COPS3: variants seen among roughly 807,000 people sequenced by gnomAD.
COPS3 encodes COP9 signalosome subunit 3, also known as COP9 signalosome complex subunit 3.
COPS3 carries 10 observed loss-of-function variants against 58.2 expected under a neutral mutation model. That is an observed-to-expected ratio of 0.17 (90% CI 0.11 to 0.29). COPS3 has a LOEUF of 0.29. COPS3 is among the 10% of genes least tolerant of loss of function. The pLI is 1.00. For synonymous variants in COPS3, 187 were observed against 181.7 expected (o/e 1.03, Z -0.24); for missense variants, 333 against 510.1 (o/e 0.65, Z 3.34).
At chr17:17,277,843 G>C (rs1425611724) in intron 1 of COPS3, among the ~76,000 whole-genome samples, 1 of 151,980 alleles carries the variant, frequency 6.6e-6, no homozygotes, top group Non-Finnish European at 1.5e-5. Flanking sequence ...ATCTCTCGAG[G>C]TCAGGAGTTC....
chr17:17,267,226 T>C (rs897297956), intron 5 of COPS3, among the ~76,000 whole-genome samples: 4 of 150,392 alleles, frequency 2.7e-5, no homozygotes, highest in Admixed American at 6.7e-5. Context: ...TAGTCCCAGC[T>C]ACTCGGGAGG....
At chr17:17,262,202 CT>C in intron 6 of COPS3, 96 bp from the exon 7 acceptor site, 1 of 1,117,362 alleles carries the variant, frequency 8.9e-7, no homozygotes, top group Non-Finnish European at 1.3e-6. Context: ...GTCAATAATA[CT>C]TTTTAAATGT....
chr17:17,268,471 AAGAAG>A (rs1208545246), intron 4 of COPS3, among the ~76,000 whole-genome samples: 1 of 152,192 alleles, frequency 6.6e-6, no homozygotes, highest in Non-Finnish European at 1.5e-5. Context: ...GATTATAAAT[AAGAAG>A]ACCAAGTGTC....
chr17:17,260,265 T>A, intron 8 of COPS3, 36 bp downstream of exon 8: 1 of 1,599,770 alleles, frequency 6.3e-7, no homozygotes, highest in Non-Finnish European at 8.6e-7. Context: ...CCCCAGGGGG[T>A]CAGGAGCTGC....
chr17:17,262,479 C>A (rs572736900), intron 6 of COPS3, among the ~76,000 whole-genome samples: 36 of 152,164 alleles, frequency 2.4e-4, no homozygotes, highest in African/African-American at 7.7e-4. Flanking sequence ...CCTGTAATCC[C>A]AGCACTTTGA....
At chr17:17,278,869 CTTTT>C (rs965825075) in intron 1 of COPS3, among the ~76,000 whole-genome samples, 21 of 149,474 alleles carry the variant, frequency 1.4e-4, no homozygotes, top group African/African-American at 3.4e-4. Flanking sequence ...CAATAAAATT[CTTTT>C]TTTTCTTTTT....
At position 17,277,639 on chromosome 17, in the gene COPS3, C is replaced by CT. The variant is rs2048488774; in HGVS notation, c.56-1476dup. Among the ~76,000 whole-genome samples the CT allele has an allele frequency of 2.0e-5, 3 of 152,270 alleles. No homozygotes were observed. In the South Asian group the frequency reaches 6.2e-4, roughly 32 times the overall value. On this transcript the variant is annotated intron_variant, in intron 1 of 11. Coordinates refer to ENST00000268717, the MANE Select transcript of COPS3 (RefSeq NM_003653.4). ...CTCACTATGTTGCCCAGTCTGGTCT[C>CT]TAACTCCTGGGCTCAAGCAATCCTC...
intron 10 of COPS3, among the ~76,000 whole-genome samples, chr17:17,248,704 TGGA>T (rs2047775924): frequency 6.6e-6 from 1 of 152,154 alleles, no homozygotes; most frequent in South Asian, 2.1e-4. Context: ...TCACCCAAGG[TGGA>T]GGACAGTGGC....
chr17:17,250,112 C>T (rs957187189), intron 9 of COPS3, among the ~76,000 whole-genome samples: 4 of 152,100 alleles, frequency 2.6e-5, no homozygotes, highest in East Asian at 1.9e-4. Flanking sequence ...GTTCTTGTCT[C>T]GTATGGATTT....
At chr17:17,272,015 C>T (rs1021191740) in intron 2 of COPS3, among the ~76,000 whole-genome samples, 4 of 151,494 alleles carry the variant, frequency 2.6e-5, no homozygotes, top group African/African-American at 9.7e-5. Flanking sequence ...GGCATGGTGG[C>T]TCAAGCCTGT....
chr17:17,279,730 T>TA (rs1386426152), intron 1 of COPS3, among the ~76,000 whole-genome samples: 1 of 152,208 alleles, frequency 6.6e-6, no homozygotes, highest in Non-Finnish European at 1.5e-5. Context: ...TTGCACCCCT[T>TA]ATGACAGGCA....
chr17:17,275,886 G>C, intron 2 of COPS3, 149 bp downstream of exon 2: 1 of 641,822 alleles, frequency 1.6e-6, no homozygotes, highest in East Asian at 3.4e-5. Flanking sequence ...AGCTTGCAGT[G>C]TGCCAAGAAT....
At chr17:17,267,512 C>A (rs1001726301) in intron 5 of COPS3, among the ~76,000 whole-genome samples, 1 of 151,284 alleles carries the variant, frequency 6.6e-6, no homozygotes, top group Non-Finnish European at 1.5e-5. Flanking sequence ...GTGGTGGGTG[C>A]TTGTAGTCTC....
chr17:17,255,380 A>T (rs2458529), intron 8 of COPS3, among the ~76,000 whole-genome samples: 2 of 151,046 alleles, frequency 1.3e-5, no homozygotes, highest in South Asian at 2.1e-4. Flanking sequence ...TGGGAGGCTG[A>T]GACAAGAGAA....
chr17:17,247,231 G>T (rs2047743793), intron 11 of COPS3, 80 bp from the exon 12 acceptor site: 5 of 1,338,534 alleles, frequency 3.7e-6, no homozygotes, highest in African/African-American at 1.4e-5. Context: ...CACACCAGTT[G>T]CCCTGTCCCT....
intron 1 of COPS3, among the ~76,000 whole-genome samples, 178 bp downstream of exon 1, chr17:17,280,954 C>T (rs969379235): frequency 1.3e-5 from 2 of 152,092 alleles, no homozygotes; most frequent in Non-Finnish European, 2.9e-5. Context: ...CGCGAGGGGG[C>T]TGCCTACACT....
chr17:17,264,698 A>T, intron 6 of COPS3, 104 bp downstream of exon 6: 2 of 882,744 alleles, frequency 2.3e-6, no homozygotes, highest in Non-Finnish European at 3.5e-6. Context: ...CCAACACCTG[A>T]AACGGAGGCC....
chr17:17,276,229 AC>A, intron 1 of COPS3, 65 bp from the exon 2 acceptor site: 1 of 1,595,782 alleles, frequency 6.3e-7, no homozygotes, highest in Non-Finnish European at 8.6e-7. Flanking sequence ...TGGAACTCTA[AC>A]CACAACTTTG....
intron 2 of COPS3, among the ~76,000 whole-genome samples, chr17:17,271,504 C>T (rs957134108): frequency 1.3e-5 from 2 of 151,394 alleles, no homozygotes; most frequent in South Asian, 2.1e-4. Context: ...CTATACAGAA[C>T]GGACACAAAT....
Sources: gnomAD v4.1 joint callset for allele counts (sites outside exome capture counted in the v4.1 genomes callset) on GRCh38, gnomAD v4.1.1 for gene constraint, MANE v1.5 for transcripts, NCBI Gene and HGNC (gene_info 2026-07-23, HGNC 2026-07-21) for gene names.